The following NAPEPLD variants were observed in gnomAD, a reference collection of about 807,000 sequenced individuals.
The protein encoded by NAPEPLD is N-acyl-phosphatidylethanolamine-hydrolyzing phospholipase D.
NAPEPLD carries 23 observed loss-of-function variants against 38.1 expected under a neutral mutation model. The observed-to-expected ratio is 0.60, with a 90% confidence interval of 0.43 to 0.86. The LOEUF (loss-of-function observed/expected upper bound fraction) is 0.86, where lower values mean the gene tolerates loss of function less well. NAPEPLD is among the 40% of genes least tolerant of loss of function. The probability of loss-of-function intolerance (pLI) is 0.00; values close to 1 mark genes in which losing one functional copy is unlikely to be tolerated. For synonymous variants in NAPEPLD, 147 were observed against 162.0 expected, an observed-to-expected ratio of 0.91 and a Z score of 0.71; for missense variants, 411 against 476.8, an observed-to-expected ratio of 0.86 and a Z score of 1.28.
chr7:103,116,263 A>G (rs4469387), intron 3 of NAPEPLD, among the ~76,000 whole-genome samples: 146,558 of 152,062 alleles, frequency 0.96, 70,828 homozygotes, highest in Middle Eastern at 1. Context: ...GGGTTTCACC[A>G]TGTTAGCCAG....
At chr7:103,125,921 A>AATAATAAT (rs1193736262) in intron 2 of NAPEPLD, among the ~76,000 whole-genome samples, 242 of 141,506 alleles carry the variant, frequency 1.7e-3, no homozygotes, top group African/African-American at 6.2e-3. Context: ...TAATAATAAT[A>AATAATAAT]AATAAAAATG....
At chr7:103,118,258 TG>T (rs1805952920) in intron 3 of NAPEPLD, among the ~76,000 whole-genome samples, 5 of 152,236 alleles carry the variant, frequency 3.3e-5, no homozygotes, top group Admixed American at 2.6e-4. Context: ...ATAACTGATT[TG>T]TAACAGTTCT....
intron 1 of NAPEPLD, among the ~76,000 whole-genome samples, chr7:103,146,947 T>G (rs990554245): frequency 6.6e-6 from 1 of 152,200 alleles, no homozygotes; most frequent in African/African-American, 2.4e-5. Context: ...TATATACATA[T>G]ATTTAAAATA....
chr7:103,106,728 T>TAAAA (rs35671646), intron 4 of NAPEPLD, among the ~76,000 whole-genome samples: 6 of 147,902 alleles, frequency 4.1e-5, no homozygotes, highest in African/African-American at 1.2e-4. Flanking sequence ...AGGGCATCTC[T>TAAAA]AAAAAAAAAA....
chr7:103,112,146 CTG>C (rs766662587), intron 4 of NAPEPLD, among the ~76,000 whole-genome samples: 1 of 152,166 alleles, frequency 6.6e-6, no homozygotes, highest in Non-Finnish European at 1.5e-5. Context: ...TGCTTTTACA[CTG>C]TTGGTGGGAG....
intron 4 of NAPEPLD, among the ~76,000 whole-genome samples, chr7:103,112,392 G>A (rs1022931642): frequency 9.9e-5 from 15 of 152,116 alleles, no homozygotes; most frequent in African/African-American, 3.6e-4. Context: ...AGAAAATGTG[G>A]CACATATACA....
rs1025973100 is a variant in NAPEPLD, at chr7:103,148,949, C to G, written c.-155G>C. On this transcript the variant is annotated 5_prime_UTR_variant, in exon 1 of 5. Coordinates refer to ENST00000465647, the MANE Select transcript of NAPEPLD (RefSeq NM_001122838.3). ...GAGGCAGCTTCAGAGATGCAGGCTCCGCAACTCGCGAGGTGCGAAAATTCA... is the reference window on the plus strand; with the variant it reads ...GAGGCAGCTTCAGAGATGCAGGCTCGGCAACTCGCGAGGTGCGAAAATTCA... 36 of 985,242 alleles carry G rather than the reference C, an allele frequency of 3.7e-5. No individual in the cohort carries two copies. The African/African-American group carries it at 5.9e-4, about 16-fold the overall frequency. The allele number at this position is 985,242 out of a possible 1,614,324, so 61.0% of individuals were successfully genotyped here.
chr7:103,126,876 C>CCT (rs1374399560), intron 2 of NAPEPLD: 2 of 149,758 alleles, frequency 1.3e-5, no homozygotes, highest in Non-Finnish European at 3.0e-5. Context: ...AATCCACCTG[C>CCT]CTCAGCCTCC....
At chr7:103,146,064 C>G (rs1416819214) in intron 1 of NAPEPLD, among the ~76,000 whole-genome samples, 1 of 151,974 alleles carries the variant, frequency 6.6e-6, no homozygotes, top group Non-Finnish European at 1.5e-5. Flanking sequence ...TCTAAACAAA[C>G]TGAAGGAACA....
chr7:103,139,938 G>A (rs1474733250), intron 1 of NAPEPLD, among the ~76,000 whole-genome samples: 1 of 152,182 alleles, frequency 6.6e-6, no homozygotes, highest in East Asian at 1.9e-4. Context: ...GTTCAATTCA[G>A]TAGCCTCTGT....
upstream of NAPEPLD, chr7:103,149,607 G>A: frequency 1.4e-6 from 1 of 696,876 alleles, no homozygotes; most frequent in Non-Finnish European, 2.0e-6. Flanking sequence ...CTGTGGGCCG[G>A]GGCGCCGAAG....
chr7:103,116,674 A>T (rs1013278719), intron 3 of NAPEPLD, among the ~76,000 whole-genome samples: 1 of 152,242 alleles, frequency 6.6e-6, no homozygotes, highest in Non-Finnish European at 1.5e-5. Context: ...TTTGGCAAGA[A>T]GATCAGACTA....
chr7:103,130,132 G>A (rs976942861), intron 1 of NAPEPLD, among the ~76,000 whole-genome samples: 4 of 152,186 alleles, frequency 2.6e-5, no homozygotes, highest in Non-Finnish European at 5.9e-5. Context: ...ATAAGGAAAT[G>A]AGCACAGTAA....
rs1200896030 is a variant in NAPEPLD at position 103,103,164 on chromosome 7, A to T, written c.*265T>A. On this transcript the variant is annotated 3_prime_UTR_variant, in exon 5 of 5. Coordinates refer to ENST00000465647, the MANE Select transcript of NAPEPLD (RefSeq NM_001122838.3). Reference sequence around the variant, plus strand: ...ATAATGTTTTAGTAAAAACATTTCCATTGCAGTGCTTATATCATGATATGA... The same window carrying T: ...ATAATGTTTTAGTAAAAACATTTCCTTTGCAGTGCTTATATCATGATATGA... 4.3e-6 allele frequency: 1 copy of T among 234,472 alleles called. No individual in the cohort carries two copies. The highest frequency in any genetic ancestry group is 1.6e-4 in the South Asian group (1 of 6,310). The allele number at this position is 234,472 out of a possible 1,614,324, so 14.5% of individuals were successfully genotyped here.
chr7:103,107,029 T>C (rs1446323652), intron 4 of NAPEPLD, among the ~76,000 whole-genome samples: 1 of 152,146 alleles, frequency 6.6e-6, no homozygotes, highest in Non-Finnish European at 1.5e-5. Context: ...CGGGTGCCCT[T>C]CTGGGACAAA....
chr7:103,149,409 G>A (rs1347008717), upstream of NAPEPLD: 6 of 1,226,214 alleles, frequency 4.9e-6, no homozygotes, highest in Admixed American at 6.0e-5. Context: ...TTCCTAACCC[G>A]AGCCCGCCGC....
chr7:103,112,690 C>T (rs976502386), intron 4 of NAPEPLD, among the ~76,000 whole-genome samples: 3 of 151,544 alleles, frequency 2.0e-5, no homozygotes, highest in African/African-American at 4.9e-5. Context: ...CACCATGGCA[C>T]GTGTATACCT....
chr7:103,141,419 T>C, intron 1 of NAPEPLD: 1 of 870,322 alleles, frequency 1.1e-6, no homozygotes, highest in Non-Finnish European at 2.0e-6. Flanking sequence ...GAGGTGCTCT[T>C]CATAGCTCTT....
At chr7:103,138,700 C>T (rs1300532059) in intron 1 of NAPEPLD, among the ~76,000 whole-genome samples, 2 of 152,078 alleles carry the variant, frequency 1.3e-5, no homozygotes, top group South Asian at 2.1e-4. Flanking sequence ...GAACTCCCGA[C>T]CTCAGGTGAT....
Sources: gnomAD v4.1 joint callset for allele counts (sites outside exome capture counted in the v4.1 genomes callset) on GRCh38, gnomAD v4.1.1 for gene constraint, MANE v1.5 for transcripts, NCBI Gene and HGNC (gene_info 2026-07-23, HGNC 2026-07-21) for gene names.